Variants in FBXW7 observed in about 807,000 individuals in gnomAD.
FBXW7 encodes F-box and WD repeat domain containing 7, also known as F-box/WD repeat-containing protein 7.
In FBXW7, 11 loss-of-function variants were observed where a neutral mutation model predicts 86.3. The observed-to-expected ratio is 0.13, with a 90% CI of 0.08 to 0.21. The LOEUF (loss-of-function observed/expected upper bound fraction) is 0.21, where lower values mean the gene tolerates loss of function less well. Among genes scored for constraint, FBXW7 ranks in the 10% least tolerant of loss-of-function variants. The pLI, the probability that FBXW7 is intolerant of heterozygous loss-of-function variation, is 1.00. For synonymous variants in FBXW7, 313 were observed against 297.9 expected (o/e 1.05, Z -0.52); for missense variants, 488 against 847.4 (o/e 0.58, Z 5.27).
intron 2 of FBXW7, among the ~76,000 whole-genome samples, chr4:152,469,570 T>C (rs972356335): frequency 2.0e-5 from 3 of 151,688 alleles, no homozygotes; most frequent in Non-Finnish European, 4.4e-5. Flanking sequence ...CAAGGAGGAG[T>C]CAAGCAATGG....
Position 152,535,890 on chromosome 4 carries a change from G to GA in FBXW7, c.-977dup, listed in dbSNP as rs1313804404. The GA allele has an allele frequency of 2.7e-6, 1 of 370,844 alleles. No homozygotes were observed. Among genetic ancestry groups the GA allele is most frequent in the Admixed American group, 4.6e-5 (1 of 21,602 alleles). The allele number at this position is 370,844 out of a possible 1,614,324, so 23.0% of individuals were successfully genotyped here. ...CTGCCGGCCGGGAAGGTGAGGGGGG[G>GA]AAAGGAGTGCGGCCGCGGCTCCCGC... On this transcript the variant is annotated 5_prime_UTR_variant, in exon 1 of 14. Coordinates refer to ENST00000281708, the MANE Select transcript of FBXW7 (RefSeq NM_001349798.2).
chr4:152,341,740 T>A (rs543411516), intron 6 of FBXW7, among the ~76,000 whole-genome samples: 4 of 152,344 alleles, frequency 2.6e-5, no homozygotes, highest in South Asian at 4.1e-4. Context: ...TTTGTATATA[T>A]ACAATTTAGC....
chr4:152,535,275 C>T lies in FBXW7; in HGVS notation c.-361G>A. ...GAGGCTGCGGCCGGCCCCCCGGGTC[C>T]CCCCCGGCCCCGCCGCCCTCGGGAC... On this transcript the variant is annotated 5_prime_UTR_variant, in exon 1 of 14. Coordinates refer to ENST00000281708, the MANE Select transcript of FBXW7 (RefSeq NM_001349798.2). 1 of 274,450 alleles carries T rather than the reference C, an allele frequency of 3.6e-6. No homozygotes were observed. Among genetic ancestry groups the T allele is most frequent in the East Asian group, 5.9e-5 (1 of 17,028 alleles). The allele number at this position is 274,450 out of a possible 1,614,324, so 17.0% of individuals were successfully genotyped here. A position where few individuals can be genotyped will look rare whatever the true frequency, so the allele number is the denominator to read the frequency against.
chr4:152,501,233 C>G (rs1420836879), intron 2 of FBXW7, among the ~76,000 whole-genome samples: 1 of 152,204 alleles, frequency 6.6e-6, no homozygotes, highest in Non-Finnish European at 1.5e-5. Context: ...TCTCTAGTGA[C>G]TAGCAGAATG....
At chr4:152,427,881 ACTT>A (rs1287740919) in intron 2 of FBXW7, among the ~76,000 whole-genome samples, 1 of 152,216 alleles carries the variant, frequency 6.6e-6, no homozygotes, top group Non-Finnish European at 1.5e-5. Context: ...AAAGCCATTA[ACTT>A]CTTAACATGT....
Position 152,512,570 on chromosome 4 carries a change from G to A in FBXW7, c.-120+22371C>T, listed in dbSNP as rs372863951. On this transcript the variant is annotated intron_variant, in intron 2 of 13. Coordinates refer to ENST00000281708, the MANE Select transcript of FBXW7 (RefSeq NM_001349798.2). ...ACTATTCAGTCCTAAAAAGAATGAA[G>A]TTCTCATGCATGCTACAACACAGAA... Among the ~76,000 whole-genome samples the A allele has an allele frequency of 1.9e-4, 29 of 152,268 alleles. No homozygotes were observed. The South Asian group carries it at 6.0e-3, about 32-fold the overall frequency.
At chr4:152,411,273 T>C (rs2126875730) in intron 4 of FBXW7, 30 bp downstream of exon 4, 6 of 1,523,646 alleles carry the variant, frequency 3.9e-6, no homozygotes, top group Non-Finnish European at 5.3e-6. Context: ...GTAAAGTTTC[T>C]CAGGTTAACA....
chr4:152,443,453 T>A (rs1224804867), intron 2 of FBXW7, among the ~76,000 whole-genome samples: 1 of 152,216 alleles, frequency 6.6e-6, no homozygotes, highest in Admixed American at 6.5e-5. Flanking sequence ...ATACACAAAT[T>A]ACTAATTTTA....
At chr4:152,441,185 G>C (rs1467419193) in intron 2 of FBXW7, among the ~76,000 whole-genome samples, 4 of 152,112 alleles carry the variant, frequency 2.6e-5, no homozygotes, top group Admixed American at 2.6e-4. Context: ...TCAGAGAGCT[G>C]TGTACCTATC....
chr4:152,468,064 T>G lies in FBXW7; in HGVS notation c.-119-55535A>C, dbSNP rs189948051. On this transcript the variant is annotated intron_variant, in intron 2 of 13. Coordinates refer to ENST00000281708, the MANE Select transcript of FBXW7 (RefSeq NM_001349798.2). The stretch of plus-strand genomic sequence containing the variant: ...TAAGCATGTGAAATGATGCTTATCA[T>G]TAGTCATTATCCAAATCAAAATCAC... Among the ~76,000 whole-genome samples the G allele has an allele frequency of 2.7e-3, 418 of 152,256 alleles. 1 individual carries two copies. Among genetic ancestry groups the G allele is most frequent in the Non-Finnish European group, 5.0e-3 (342 of 67,992 alleles).
chr4:152,323,904 T>G lies in FBXW7; in HGVS notation c.1855+280A>C, dbSNP rs182668959. On this transcript the variant is annotated intron_variant, in intron 13 of 13. Coordinates refer to ENST00000281708, the MANE Select transcript of FBXW7 (RefSeq NM_001349798.2). Reference sequence around the variant, plus strand: ...TAATGAGTACGTTGCTTCTATGATATAGCCAAGATCTTTCTTCTCACTGTT... The same window carrying G: ...TAATGAGTACGTTGCTTCTATGATAGAGCCAAGATCTTTCTTCTCACTGTT... The G allele has an allele frequency of 2.1e-3, 665 of 316,810 alleles. 9 individuals carry two copies. The highest frequency in any genetic ancestry group is 0.015 in the South Asian group (285 of 19,384). The allele number at this position is 316,810 out of a possible 1,614,324, so 19.6% of individuals were successfully genotyped here.
At chr4:152,512,626 A>C (rs898621622) in intron 2 of FBXW7, among the ~76,000 whole-genome samples, 1 of 152,202 alleles carries the variant, frequency 6.6e-6, no homozygotes, top group Non-Finnish European at 1.5e-5. Flanking sequence ...TACGTGAAAG[A>C]AGCCAAACAC....
intron 4 of FBXW7, among the ~76,000 whole-genome samples, chr4:152,379,230 A>G (rs1734837352): frequency 6.7e-6 from 1 of 148,268 alleles, no homozygotes; most frequent in African/African-American, 2.6e-5. Context: ...AATAAAAAAT[A>G]GTTATTTTTC....
At chr4:152,523,663 G>A (rs73865459) in intron 2 of FBXW7, among the ~76,000 whole-genome samples, 2,701 of 152,278 alleles carry the variant, frequency 0.018, 91 homozygotes, top group African/African-American at 0.061. Flanking sequence ...GCTAGTCTAT[G>A]ATACGCTTTT....
intron 4 of FBXW7, among the ~76,000 whole-genome samples, chr4:152,384,649 T>C (rs987065534): frequency 1.3e-5 from 2 of 152,058 alleles, no homozygotes; most frequent in South Asian, 2.1e-4. Context: ...CTGAATTGTA[T>C]ACTTAAACAT....
At chr4:152,501,714 T>C (rs1254393956) in intron 2 of FBXW7, among the ~76,000 whole-genome samples, 1 of 152,220 alleles carries the variant, frequency 6.6e-6, no homozygotes, top group Non-Finnish European at 1.5e-5. Flanking sequence ...GATAGGTCTC[T>C]ACAGATGAAC....
chr4:152,501,236 G>A (rs1746919520), intron 2 of FBXW7, among the ~76,000 whole-genome samples: 1 of 152,144 alleles, frequency 6.6e-6, no homozygotes, highest in African/African-American at 2.4e-5. Flanking sequence ...CTAGTGACTA[G>A]CAGAATGCAC....
chr4:152,486,776 A>C (rs1423643292), intron 2 of FBXW7, among the ~76,000 whole-genome samples: 4 of 152,178 alleles, frequency 2.6e-5, no homozygotes, highest in Non-Finnish European at 5.9e-5. Flanking sequence ...AACCGTTAAC[A>C]TAGCTGTTTA....
At chr4:152,401,787 A>C (rs545051964) in intron 4 of FBXW7, among the ~76,000 whole-genome samples, 1 of 152,192 alleles carries the variant, frequency 6.6e-6, no homozygotes. Context: ...GCATATGGGA[A>C]CTCTCTAGGC....
Sources: allele counts gnomAD v4.1 joint callset (sites outside exome capture counted in the v4.1 genomes callset), GRCh38; gene constraint gnomAD v4.1.1; transcripts MANE v1.5; gene names NCBI Gene and HGNC (gene_info 2026-07-23, HGNC 2026-07-21).